APLF: variants seen among roughly 807,000 people sequenced by gnomAD.
APLF encodes the protein aprataxin and PNK-like factor.
A neutral mutation model predicts 55.6 loss-of-function variants in APLF; 61 were observed. The observed-to-expected ratio is 1.10, with a 90% confidence interval of 0.89 to 1.36. The LOEUF (loss-of-function observed/expected upper bound fraction) is 1.36. APLF is among the 40% of genes most tolerant of loss of function. The pLI is 0.00. For missense variants in APLF, 611 were observed against 602.5 expected (o/e 1.01, Z -0.15); for synonymous variants, 207 against 214.8 (o/e 0.96, Z 0.32).
intron 2 of APLF, among the ~76,000 whole-genome samples, chr2:68,499,211 C>G (rs1000279960): frequency 2.0e-5 from 3 of 152,132 alleles, no homozygotes; most frequent in Non-Finnish European, 4.4e-5. Flanking sequence ...ATAGCATGAT[C>G]TGTTGAAGTT....
intron 1 of APLF, among the ~76,000 whole-genome samples, chr2:68,489,505 T>G (rs928039848): frequency 6.6e-6 from 1 of 152,208 alleles, no homozygotes; most frequent in Non-Finnish European, 1.5e-5. Context: ...ATGCAAACAA[T>G]TTTTGAACTT....
chr2:68,524,190 A>T (rs763221967), intron 5 of APLF, among the ~76,000 whole-genome samples: 7 of 152,304 alleles, frequency 4.6e-5, no homozygotes, highest in Non-Finnish European at 1.0e-4. Flanking sequence ...ACTCAGTCCT[A>T]TTAAGTCCTG....
intron 7 of APLF, among the ~76,000 whole-genome samples, chr2:68,544,971 G>A (rs1336291579): frequency 6.6e-6 from 1 of 152,122 alleles, no homozygotes; most frequent in African/African-American, 2.4e-5. Flanking sequence ...CAGAAATGTA[G>A]TATGTTACTG....
At chr2:68,518,749 A>ATATATAATAAAATAATAATATATCAT (rs1558539862) in intron 5 of APLF, among the ~76,000 whole-genome samples, 58 of 108,328 alleles carry the variant, frequency 5.4e-4, no homozygotes, top group African/African-American at 2.4e-3. Flanking sequence ...TATATCATTA[A>ATATATAATAAAATAATAATATATCAT]TATATAATAA....
intron 1 of APLF, among the ~76,000 whole-genome samples, chr2:68,489,301 T>G (rs1676282123): frequency 6.6e-6 from 1 of 152,246 alleles, no homozygotes; most frequent in African/African-American, 2.4e-5. Context: ...TTGGTCCTTA[T>G]GCGGATAATG....
At chr2:68,477,516 C>T (rs1675817351) in intron 1 of APLF, among the ~76,000 whole-genome samples, 1 of 151,926 alleles carries the variant, frequency 6.6e-6, no homozygotes, top group Admixed American at 6.6e-5. Context: ...TGGTACATGC[C>T]TGTAATCCCA....
chr2:68,577,844 A>G lies in APLF; in HGVS notation c.1358A>G (p.Asn453Ser). The G allele has an allele frequency of 6.2e-7, 1 of 1,613,432 alleles. No individual in the cohort carries two copies. Among genetic ancestry groups the G allele is most frequent in the Non-Finnish European group, 8.5e-7 (1 of 1,179,570 alleles). The change falls in exon 10 of 10, where the codon AAT becomes AGT. Residue 453 changes from asparagine (N) to serine (S), a missense_variant. Asn to Ser is a conservative substitution (Grantham distance 46). Transcript: ENST00000303795. ...LPVRNVLDED[N>S]DNVGQPNEYD... ...GTGAGAAATGTTTTAGATGAAGATA[A>G]TGATAATGTTGGGCAACCCAATGAG...
chr2:68,531,909 A>G (rs1251735990), intron 6 of APLF, among the ~76,000 whole-genome samples: 2 of 152,214 alleles, frequency 1.3e-5, no homozygotes, highest in Non-Finnish European at 2.9e-5. Context: ...GAGTATTACA[A>G]CCAGGTCCGA....
rs878981057 is a variant in APLF, at chr2:68,528,658, G to A, written c.804+2416G>A. Reference sequence around the variant, plus strand: ...AGGCCGCCTTCTCTGGCCACAGGGAGCAGCCCGGAACTGGGGCAGGGAGCA... The same window carrying A: ...AGGCCGCCTTCTCTGGCCACAGGGAACAGCCCGGAACTGGGGCAGGGAGCA... On this transcript the variant is annotated intron_variant, in intron 6 of 9. Transcript: ENST00000303795. 120 of 1,515,248 alleles carry A rather than the reference G, an allele frequency of 7.9e-5. No individual in the cohort carries two copies. In the South Asian group the frequency reaches 1.3e-3, roughly 16 times the overall value. 93.9% of individuals were successfully genotyped at this position (1,515,248 alleles called of 1,614,324 possible).
intron 2 of APLF, among the ~76,000 whole-genome samples, chr2:68,496,971 G>A (rs558077110): frequency 6.6e-6 from 1 of 152,158 alleles, no homozygotes; most frequent in African/African-American, 2.4e-5. Context: ...CTGTTAGGGA[G>A]TTCTGAAGTC....
intron 8 of APLF, among the ~76,000 whole-genome samples, chr2:68,558,274 A>G (rs1330330699): frequency 2.6e-5 from 4 of 152,308 alleles, no homozygotes; most frequent in South Asian, 2.1e-4. Context: ...TTACACATAT[A>G]TAAAAATTTT....
intron 5 of APLF, among the ~76,000 whole-genome samples, chr2:68,517,720 T>C (rs1253167632): frequency 6.9e-6 from 1 of 145,416 alleles, no homozygotes; most frequent in Non-Finnish European, 1.5e-5. Context: ...CACTAATATA[T>C]GTTAATATAT....
intron 3 of APLF, among the ~76,000 whole-genome samples, chr2:68,504,837 G>A (rs1211963520): frequency 1.3e-5 from 2 of 152,030 alleles, no homozygotes; most frequent in African/African-American, 2.4e-5. Context: ...ATTAAGTTCT[G>A]TAATAAGTAA....
In APLF at chr2:68,494,453, C is replaced by T. The variant is rs752441911; in HGVS notation, c.168+4192C>T. Among the ~76,000 whole-genome samples, 5 of 151,668 alleles carry T rather than the reference C, an allele frequency of 3.3e-5. 1 individual carries two copies. The highest frequency in any genetic ancestry group is 7.4e-5 in the Non-Finnish European group (5 of 67,912). On this transcript the variant is annotated intron_variant, in intron 2 of 9. Transcript: ENST00000303795. ...GCATGTCACATGTTGAAAGCAGGAG[C>T]AAGGGAGAGGGAGTGAGGGGAAGGT...
chr2:68,517,078 A>G (rs556235076), intron 5 of APLF, among the ~76,000 whole-genome samples: 263 of 124,256 alleles, frequency 2.1e-3, no homozygotes, highest in African/African-American at 8.3e-3. Flanking sequence ...GTTAATATAT[A>G]ATATGTTATT....
At chr2:68,524,332 A>G (rs1338854741) in intron 5 of APLF, among the ~76,000 whole-genome samples, 1 of 152,232 alleles carries the variant, frequency 6.6e-6, no homozygotes, top group Non-Finnish European at 1.5e-5. Context: ...ACAGTATTCC[A>G]TTGGCATTTC....
chr2:68,530,898 GA>G (rs1410501962), intron 6 of APLF, among the ~76,000 whole-genome samples: 1 of 151,510 alleles, frequency 6.6e-6, no homozygotes, highest in African/African-American at 2.4e-5. Context: ...TTTCAGACTG[GA>G]AAAAAAAGGG....
At chr2:68,519,935 A>C (rs1669847752) in intron 5 of APLF, among the ~76,000 whole-genome samples, 1 of 151,886 alleles carries the variant, frequency 6.6e-6, no homozygotes, top group South Asian at 2.1e-4. Context: ...TCCCACCAGC[A>C]GTGTAAAAGT....
At chr2:68,516,556 T>C (rs972297809) in intron 5 of APLF, among the ~76,000 whole-genome samples, 2 of 151,238 alleles carry the variant, frequency 1.3e-5, no homozygotes, top group African/African-American at 4.8e-5. Context: ...CAGTGTACAC[T>C]GTACCCAGTT....
Sources: allele counts gnomAD v4.1 joint callset (sites outside exome capture counted in the v4.1 genomes callset), GRCh38; gene constraint gnomAD v4.1.1; transcripts MANE v1.5; gene names NCBI Gene and HGNC (gene_info 2026-07-23, HGNC 2026-07-21).